UGT1A10: variants seen among roughly 807,000 people sequenced by gnomAD.
The protein encoded by UGT1A10 is UDP glucuronosyltransferase family 1 member A10, also known as UDP-glucuronosyltransferase 1A10.
In UGT1A10, 49 loss-of-function variants were observed where a neutral mutation model predicts 45.8. The observed-to-expected ratio is 1.07, with a 90% confidence interval of 0.85 to 1.36. UGT1A10 has a LOEUF of 1.36. Ranked by LOEUF, UGT1A10 falls within the 40% of genes most tolerant of loss-of-function variation. The pLI, the probability that UGT1A10 is intolerant of heterozygous loss-of-function variation, is 0.00. For missense variants in UGT1A10, 745 were observed against 668.6 expected (o/e 1.11, Z -1.26); for synonymous variants, 284 against 249.7 (o/e 1.14, Z -1.29).
intron 1 of UGT1A10, among the ~76,000 whole-genome samples, chr2:233,679,279 C>T (rs150747338): frequency 1.4e-4 from 22 of 152,328 alleles, no homozygotes; most frequent in Non-Finnish European, 2.2e-4. Context: ...AATGCATTTT[C>T]TGCCTTCACG....
intron 1 of UGT1A10, among the ~76,000 whole-genome samples, chr2:233,724,483 C>A (rs1180664629): frequency 6.5e-4 from 44 of 68,188 alleles, no homozygotes; most frequent in South Asian, 1.6e-3. Flanking sequence ...ACTTCTCAGA[C>A]GGGGCGGCCG....
At chr2:233,645,466 G>T (rs1274896002) in intron 1 of UGT1A10, among the ~76,000 whole-genome samples, 4 of 152,200 alleles carry the variant, frequency 2.6e-5, no homozygotes, top group Admixed American at 2.6e-4. Context: ...TCTGAGACAA[G>T]GCAAGTCCCT....
intron 1 of UGT1A10, among the ~76,000 whole-genome samples, chr2:233,688,392 A>T (rs1319746740): frequency 1.3e-5 from 2 of 152,198 alleles, no homozygotes; most frequent in Admixed American, 6.6e-5. Flanking sequence ...ATAAACCCTG[A>T]TGTTCTAATT....
rs146704558 is a variant in UGT1A10 at position 233,766,504 on chromosome 2, T to C, written c.856-530T>C. On this transcript the variant is annotated intron_variant, in intron 1 of 4. Transcript: ENST00000344644. ...ATGGGGGCGTGGCAGGCCAGGGTGGTTTTGGGAAATGAAACATTTAGGCAG... is the reference window on the plus strand; with the variant it reads ...ATGGGGGCGTGGCAGGCCAGGGTGGCTTTGGGAAATGAAACATTTAGGCAG... Among the ~76,000 whole-genome samples the C allele has an allele frequency of 2.3e-3, 343 of 152,096 alleles. 3 individuals are homozygous for C. The highest frequency in any genetic ancestry group is 7.9e-3 in the African/African-American group (327 of 41,494).
chr2:233,664,565 A>G (rs1340444080), intron 1 of UGT1A10, among the ~76,000 whole-genome samples: 1 of 152,168 alleles, frequency 6.6e-6, no homozygotes. Flanking sequence ...TACTCATGGT[A>G]GAAGATGAAG....
chr2:233,699,035 A>G (rs2075478622), intron 1 of UGT1A10, among the ~76,000 whole-genome samples: 1 of 152,230 alleles, frequency 6.6e-6, no homozygotes, highest in Non-Finnish European at 1.5e-5. Context: ...AGGCAGTCCC[A>G]GATGTCCTGA....
intron 1 of UGT1A10, among the ~76,000 whole-genome samples, chr2:233,720,704 C>CTT (rs796417980): frequency 5.7e-5 from 8 of 139,174 alleles, no homozygotes; most frequent in Non-Finnish European, 9.4e-5. Context: ...GGGAGCCATC[C>CTT]TTTTTTTTTT....
chr2:233,724,396 T>C (rs2077250917), intron 1 of UGT1A10, among the ~76,000 whole-genome samples: 1 of 143,176 alleles, frequency 7.0e-6, no homozygotes, highest in African/African-American at 2.6e-5. Flanking sequence ...GCTCCTCACT[T>C]CCCAGATGGG....
At chr2:233,692,864 T>A (rs2075117839) in intron 1 of UGT1A10, 1 of 1,477,496 alleles carries the variant, frequency 6.8e-7, no homozygotes, top group South Asian at 1.4e-5. Flanking sequence ...TTCTTACATA[T>A]CAAAGGGTAA....
intron 1 of UGT1A10, chr2:233,760,915 G>A (rs758093591): frequency 5.6e-6 from 9 of 1,614,180 alleles, no homozygotes; most frequent in Non-Finnish European, 7.6e-6. Flanking sequence ...CCTGCAGCGG[G>A]TGAAGAACAT....
intron 1 of UGT1A10, among the ~76,000 whole-genome samples, chr2:233,761,928 C>A (rs183537343): frequency 6.6e-6 from 1 of 152,346 alleles, no homozygotes; most frequent in Non-Finnish European, 1.5e-5. Flanking sequence ...AGCCCAGGCA[C>A]TTCCCAGGTG....
intron 1 of UGT1A10, chr2:233,672,091 C>T (rs1477600862): frequency 1.2e-6 from 2 of 1,614,116 alleles, no homozygotes; most frequent in Admixed American, 3.3e-5. Flanking sequence ...TCTCAGGGGG[C>T]ATGAGGTGGT....
At chr2:233,682,594 T>A in intron 1 of UGT1A10, 1 of 1,613,954 alleles carries the variant, frequency 6.2e-7, no homozygotes, top group African/African-American at 1.3e-5. Context: ...AACATTTATT[T>A]TGCCCCTATT....
intron 1 of UGT1A10, among the ~76,000 whole-genome samples, chr2:233,701,639 A>C (rs146387920): frequency 0.018 from 2,734 of 152,308 alleles, 77 homozygotes; most frequent in African/African-American, 0.062. Context: ...ATTATAGCAA[A>C]CTGTCTCTCA....
chr2:233,713,032 C>T, intron 1 of UGT1A10: 2 of 1,613,918 alleles, frequency 1.2e-6, no homozygotes, highest in Non-Finnish European at 1.7e-6. Context: ...CAGCTGGCCA[C>T]AGGACTGCTG....
In UGT1A10 at chr2:233,636,633, C is replaced by T; in HGVS notation, c.111C>T (p.His37=). 6.2e-7 allele frequency: 1 copy of T among 1,614,140 alleles called. No homozygotes were observed. The highest frequency in any genetic ancestry group is 8.5e-7 in the Non-Finnish European group (1 of 1,180,016). ...KLLVVPMDGS[H]WFTMQSVVEK... ...TGGTAGTGCCCATGGATGGGAGTCA[C>T]TGGTTCACCATGCAGTCGGTGGTGG... The change falls in exon 1 of 5, where the codon CAC becomes CAT. Residue 37 remains histidine (H), a synonymous_variant. Transcript: ENST00000344644.
At chr2:233,709,178 C>T (rs1251204225) in intron 1 of UGT1A10, among the ~76,000 whole-genome samples, 1 of 152,082 alleles carries the variant, frequency 6.6e-6, no homozygotes, top group Non-Finnish European at 1.5e-5. Flanking sequence ...ATGTTCTATC[C>T]TGAGCTGGGA....
intron 1 of UGT1A10, chr2:233,690,588 G>GAAA: frequency 6.2e-6 from 7 of 1,125,214 alleles, no homozygotes; most frequent in Admixed American, 5.3e-5. Context: ...CAATCCCTGA[G>GAAA]AAAAAAAAAA....
chr2:233,766,982 T>C (rs1699301954), intron 1 of UGT1A10, 52 bp from the exon 2 acceptor site: 9 of 1,612,798 alleles, frequency 5.6e-6, no homozygotes, highest in Non-Finnish European at 7.6e-6. Context: ...CTGTATGTAG[T>C]CATCAAAGAA....
Sources: gnomAD v4.1 joint callset for allele counts (sites outside exome capture counted in the v4.1 genomes callset) on GRCh38, gnomAD v4.1.1 for gene constraint, MANE v1.5 for transcripts, NCBI Gene and HGNC (gene_info 2026-07-23, HGNC 2026-07-21) for gene names.